Variants in ATP2B2 observed in about 807,000 individuals in gnomAD.
The protein encoded by ATP2B2 is plasma membrane calcium-transporting ATPase 2.
A neutral mutation model predicts 120.0 loss-of-function variants in ATP2B2; 15 were observed. That is an observed-to-expected ratio of 0.12 (90% CI 0.08 to 0.19). The LOEUF is 0.19. Among genes scored for constraint, ATP2B2 ranks in the 10% least tolerant of loss-of-function variants. The probability of loss-of-function intolerance (pLI) is 1.00; values close to 1 mark genes in which losing one functional copy is unlikely to be tolerated. For synonymous variants in ATP2B2, 694 were observed against 700.3 expected (o/e 0.99, Z 0.14); for missense variants, 1,045 against 1,719.8 (o/e 0.61, Z 6.94).
chr3:10,510,900 C>T (rs1016207290), intron 3 of ATP2B2, among the ~76,000 whole-genome samples: 1 of 152,176 alleles, frequency 6.6e-6, no homozygotes, highest in Non-Finnish European at 1.5e-5. Context: ...CTGTCCTCCC[C>T]CCTCCTCCCC....
chr3:10,481,838 G>A (rs1475454656), intron 1 of ATP2B2, among the ~76,000 whole-genome samples: 3 of 152,188 alleles, frequency 2.0e-5, no homozygotes, highest in Non-Finnish European at 4.4e-5. Context: ...ACAGGTGTGA[G>A]CCACCATGTC....
At chr3:10,556,801 T>A (rs2067789772) in intron 2 of ATP2B2, among the ~76,000 whole-genome samples, 1 of 152,248 alleles carries the variant, frequency 6.6e-6, no homozygotes, top group Non-Finnish European at 1.5e-5. Flanking sequence ...CAAACTCATA[T>A]TCATTGAGCC....
chr3:10,451,251 C>T lies in ATP2B2; in HGVS notation c.-319-1389G>A, dbSNP rs530605378. On this transcript the variant is annotated intron_variant, in intron 1 of 22. Transcript: ENST00000360273. ...CCCCTTCCCCTAGGGGGTGCTCCCG[C>T]GTTTGTCTCCGAAGAGCCCTGGTGG... 3.5e-4 allele frequency among the ~76,000 whole-genome samples: 53 copies of T among 152,278 alleles called. 1 individual carries two copies. The highest frequency in any genetic ancestry group is 3.3e-3 in the Admixed American group (51 of 15,304).
chr3:10,513,146 T>G (rs930527154), intron 3 of ATP2B2, among the ~76,000 whole-genome samples: 2 of 141,810 alleles, frequency 1.4e-5, no homozygotes, highest in Non-Finnish European at 3.1e-5. Context: ...TACAGAGGGG[T>G]GAGAGCATGC....
chr3:10,588,139 C>T (rs1466103513), intron 2 of ATP2B2, among the ~76,000 whole-genome samples: 1 of 152,194 alleles, frequency 6.6e-6, no homozygotes, highest in East Asian at 1.9e-4. Flanking sequence ...GTGCTGTGCT[C>T]AGCACTGGGA....
At chr3:10,407,419 T>C (rs1237389968) in intron 3 of ATP2B2, among the ~76,000 whole-genome samples, 2 of 152,174 alleles carry the variant, frequency 1.3e-5, no homozygotes, top group African/African-American at 4.8e-5. Flanking sequence ...TTTTCCTCCT[T>C]CCCTCTGGCC....
Position 10,327,467 on chromosome 3 carries a change from C to A in ATP2B2, c.*1347G>T, listed in dbSNP as rs540559029. On this transcript the variant is annotated 3_prime_UTR_variant, in exon 23 of 23. Coordinates refer to ENST00000360273, the MANE Select transcript of ATP2B2 (RefSeq NM_001001331.4). Reference sequence around the variant, plus strand: ...ATAAAAATAAAAGCAGCAAGCCATACTGATCCTCATCCAATATGCCAACAG... The same window carrying A: ...ATAAAAATAAAAGCAGCAAGCCATAATGATCCTCATCCAATATGCCAACAG... 2.0e-5 allele frequency: 3 copies of A among 152,702 alleles called. No individual in the cohort carries two copies. In the East Asian group the frequency reaches 5.8e-4, roughly 29 times the overall value. 9.5% of individuals were successfully genotyped at this position (152,702 alleles called of 1,614,324 possible). A position where few individuals can be genotyped will look rare whatever the true frequency, so the allele number is the denominator to read the frequency against.
intron 2 of ATP2B2, among the ~76,000 whole-genome samples, chr3:10,429,066 C>T (rs1184203146): frequency 6.6e-6 from 1 of 152,162 alleles, no homozygotes; most frequent in Non-Finnish European, 1.5e-5. Context: ...CATTCAGTCC[C>T]CTGGCTTCGT....
intron 2 of ATP2B2, among the ~76,000 whole-genome samples, chr3:10,560,159 G>A (rs532058819): frequency 6.6e-6 from 1 of 152,320 alleles, no homozygotes; most frequent in East Asian, 1.9e-4. Context: ...AAAGGCAGTC[G>A]CTGGGCTTCT....
intron 1 of ATP2B2, among the ~76,000 whole-genome samples, chr3:10,505,220 C>T (rs1444860269): frequency 6.6e-6 from 1 of 152,060 alleles, no homozygotes; most frequent in African/African-American, 2.4e-5. Context: ...CCAGCCGTCC[C>T]CCACAACACG....
intron 1 of ATP2B2, among the ~76,000 whole-genome samples, chr3:10,457,830 C>T (rs2064327313): frequency 1.3e-5 from 2 of 152,094 alleles, no homozygotes; most frequent in Admixed American, 1.3e-4. Context: ...CCAAAGAAAC[C>T]GCCTTGCATC....
chr3:10,543,052 T>C (rs56170984), intron 2 of ATP2B2, among the ~76,000 whole-genome samples: 7,058 of 152,322 alleles, frequency 0.046, 208 homozygotes, highest in East Asian at 0.14. Flanking sequence ...TTTGATTAGG[T>C]AGGTAGTTTC....
At chr3:10,358,541 T>A in intron 14 of ATP2B2, 150 bp downstream of exon 14, 1 of 836,700 alleles carries the variant, frequency 1.2e-6, no homozygotes, top group Non-Finnish European at 1.9e-6. Context: ...TCATGGGCAA[T>A]CCTCTTATGA....
chr3:10,460,935 G>C (rs1575296733), intron 1 of ATP2B2, among the ~76,000 whole-genome samples: 1 of 152,122 alleles, frequency 6.6e-6, no homozygotes, highest in East Asian at 1.9e-4. Flanking sequence ...GAGGTGCCAG[G>C]GGATGTGTCT....
intron 3 of ATP2B2, among the ~76,000 whole-genome samples, chr3:10,528,254 C>A (rs768188810): frequency 6.6e-6 from 1 of 152,080 alleles, no homozygotes; most frequent in African/African-American, 2.4e-5. Context: ...GTGGCTACGA[C>A]GCGTGCATCT....
intron 1 of ATP2B2, among the ~76,000 whole-genome samples, chr3:10,696,402 T>C (rs1419473674): frequency 6.6e-6 from 1 of 152,180 alleles, no homozygotes; most frequent in Non-Finnish European, 1.5e-5. Context: ...GATTCCTCTC[T>C]CTCTCTCTCT....
intron 3 of ATP2B2, among the ~76,000 whole-genome samples, chr3:10,523,140 T>C (rs2067018995): frequency 6.6e-6 from 1 of 152,212 alleles, no homozygotes; most frequent in African/African-American, 2.4e-5. Context: ...ATGGCTGGTT[T>C]TTATTGTTTA....
At chr3:10,560,418 G>A (rs2067876331) in intron 2 of ATP2B2, among the ~76,000 whole-genome samples, 1 of 152,150 alleles carries the variant, frequency 6.6e-6, no homozygotes, top group Admixed American at 6.5e-5. Context: ...GAACACCAAA[G>A]GAACATCCCC....
In ATP2B2 at chr3:10,343,068, GGAGTC is replaced by G; in HGVS notation, c.2704-108_2704-104del. ...TGTCCGCAGGCTCCTGCTGGAGGCT[GGAGTC>G]CGACCTGCCCCTTGGCTCCCCAGCA... On this transcript the variant is annotated intron_variant, in intron 18 of 22. Coordinates refer to ENST00000360273, the MANE Select transcript of ATP2B2 (RefSeq NM_001001331.4). This position sits in a 1 kb window ranked among gnomAD's most constrained non-coding sequence, Gnocchi z 4.2. The G allele has an allele frequency of 8.0e-7, 1 of 1,257,760 alleles. No individual in the cohort carries two copies. The highest frequency in any genetic ancestry group is 1.1e-6 in the Non-Finnish European group (1 of 882,276). The allele number at this position is 1,257,760 out of a possible 1,614,324, so 77.9% of individuals were successfully genotyped here.
Sources: gnomAD v4.1 joint callset for allele counts (sites outside exome capture counted in the v4.1 genomes callset) on GRCh38, gnomAD v4.1.1 for gene constraint, Gnocchi (gnomAD v3.1) non-coding constraint, MANE v1.5 for transcripts, NCBI Gene and HGNC (gene_info 2026-07-23, HGNC 2026-07-21) for gene names.